The following QSOX2 variants were observed in gnomAD, a reference collection of about 807,000 sequenced individuals.
QSOX2 encodes quiescin sulfhydryl oxidase 2.
In QSOX2, 46 loss-of-function variants were observed where a neutral mutation model predicts 61.7. The observed-to-expected ratio is 0.75, with a 90% CI of 0.59 to 0.95. QSOX2 has a LOEUF of 0.95. QSOX2 is among the 40% of genes least tolerant of loss of function. The pLI, the probability that QSOX2 is intolerant of heterozygous loss-of-function variation, is 0.00. For missense variants in QSOX2, 879 were observed against 918.9 expected, an observed-to-expected ratio of 0.96 and a Z score of 0.56; for synonymous variants, 383 against 388.4, an observed-to-expected ratio of 0.99 and a Z score of 0.16.
intron 10 of QSOX2, among the ~76,000 whole-genome samples, 155 bp downstream of exon 10, chr9:136,214,999 G>A (rs1291771501): frequency 6.6e-6 from 1 of 152,252 alleles, no homozygotes; most frequent in African/African-American, 2.4e-5. Context: ...TGGGTGAGCT[G>A]ACCGTGTGAG....
intron 1 of QSOX2, among the ~76,000 whole-genome samples, chr9:136,228,264 T>C (rs1224654853): frequency 6.6e-6 from 1 of 152,196 alleles, no homozygotes; most frequent in Non-Finnish European, 1.5e-5. Context: ...GTGTCATCTC[T>C]CACCGTTTGC....
rs182367188 is a variant in QSOX2 at position 136,226,821 on chromosome 9, G to T, written c.382C>A (p.Gln128Lys). 828 of 1,614,230 alleles carry T rather than the reference G, an allele frequency of 5.1e-4. 15 individuals carry two copies. In the Admixed American group the frequency reaches 0.013, roughly 26 times the overall value. Residue 128 changes from glutamine (Q) to lysine (K), a missense_variant, in exon 2 of 12, where the codon CAG becomes AAG. Gln to Lys is a moderately conservative substitution (Grantham distance 53). Transcript: ENST00000358701. ...ATGTCGTAGTCATGGCACACGGCCT[G>T]GTTCTTCTCTTCCATGCAGTCCAGA... ...AALDCMEEKNQAVCHDYDIHF... is the reference protein window; with the variant it reads ...AALDCMEEKNKAVCHDYDIHF...
rs992859102 is a variant in QSOX2 at position 136,207,430 on chromosome 9, T to G, written c.*1298A>C. On this transcript the variant is annotated 3_prime_UTR_variant, in exon 12 of 12. Transcript: ENST00000358701. ...GCACACAAATACATCTGAGCCTATT[T>G]TAGCCAAATCAAATTTTGCCTGTGA... The G allele has an allele frequency of 4.6e-5, 7 of 151,864 alleles. No individual in the cohort carries two copies. The highest frequency in any genetic ancestry group is 1.7e-4 in the African/African-American group (7 of 41,288). The allele number at this position is 151,864 out of a possible 1,614,324, so 9.4% of individuals were successfully genotyped here.
At chr9:136,227,668 T>C (rs1830294202) in intron 1 of QSOX2, among the ~76,000 whole-genome samples, 1 of 152,218 alleles carries the variant, frequency 6.6e-6, no homozygotes, top group Non-Finnish European at 1.5e-5. Context: ...CCACCAGGCT[T>C]TGCCTCTGAA....
chr9:136,233,915 T>C (rs1428449474), intron 1 of QSOX2, among the ~76,000 whole-genome samples: 3 of 152,136 alleles, frequency 2.0e-5, no homozygotes, highest in Non-Finnish European at 4.4e-5. Context: ...AGAAACCGTT[T>C]AGAGAAATAA....
In QSOX2 at chr9:136,241,549, C is replaced by G. The variant is rs147028623; in HGVS notation, c.328+3927G>C. ...TCGGATGTGTCCAGCTCCCAACCCCCACCTGTCCTCTACAAAGACACAGGA... is the reference window on the plus strand; with the variant it reads ...TCGGATGTGTCCAGCTCCCAACCCCGACCTGTCCTCTACAAAGACACAGGA... On this transcript the variant is annotated intron_variant, in intron 1 of 11. Coordinates refer to ENST00000358701, the MANE Select transcript of QSOX2 (RefSeq NM_181701.4). Among the ~76,000 whole-genome samples the G allele has an allele frequency of 3.0e-3, 453 of 152,310 alleles. 5 individuals carry two copies. Among genetic ancestry groups the G allele is most frequent in the Middle Eastern group, 0.02 (6 of 294 alleles).
At chr9:136,220,593 G>A (rs1831968727) in intron 6 of QSOX2, among the ~76,000 whole-genome samples, 1 of 152,256 alleles carries the variant, frequency 6.6e-6, no homozygotes, top group Non-Finnish European at 1.5e-5. Flanking sequence ...GCCACCCAGT[G>A]TAGGGCAGGC....
chr9:136,216,846 C>T, intron 8 of QSOX2, 124 bp from the exon 9 acceptor site: 1 of 1,219,648 alleles, frequency 8.2e-7, no homozygotes, highest in Non-Finnish European at 1.1e-6. Flanking sequence ...TAGGATGGGG[C>T]CTCTCATAAC....
intron 1 of QSOX2, among the ~76,000 whole-genome samples, chr9:136,240,526 G>A (rs971208247): frequency 2.0e-5 from 3 of 152,176 alleles, no homozygotes; most frequent in South Asian, 4.1e-4. Flanking sequence ...CTCGAACTCC[G>A]CATACCAGTC....
At chr9:136,214,622 G>T (rs1831886887) in intron 10 of QSOX2, among the ~76,000 whole-genome samples, 1 of 152,196 alleles carries the variant, frequency 6.6e-6, no homozygotes, top group African/African-American at 2.4e-5. Context: ...CTCTCCCCAG[G>T]TGGGCCTTGG....
chr9:136,232,967 A>T (rs931395396), intron 1 of QSOX2, among the ~76,000 whole-genome samples: 1 of 150,356 alleles, frequency 6.7e-6, no homozygotes, highest in Non-Finnish European at 1.5e-5. Context: ...AAAATCATGG[A>T]GGAGAAAGGA....
chr9:136,240,966 G>A (rs576772574), intron 1 of QSOX2, among the ~76,000 whole-genome samples: 5 of 152,268 alleles, frequency 3.3e-5, no homozygotes, highest in South Asian at 2.1e-4. Flanking sequence ...CCCATGGCAC[G>A]ACGACCGGCA....
intron 1 of QSOX2, among the ~76,000 whole-genome samples, chr9:136,239,556 C>A (rs1412707764): frequency 6.6e-6 from 1 of 152,232 alleles, no homozygotes; most frequent in East Asian, 1.9e-4. Context: ...GAATTTCCAG[C>A]GCAAATTCAT....
At chr9:136,210,227 A>G (rs1179259965) in intron 11 of QSOX2, 1 of 985,272 alleles carries the variant, frequency 1.0e-6, no homozygotes, top group Non-Finnish European at 1.2e-6. Context: ...TGGGCAGAAG[A>G]CCCCAGGCAC....
chr9:136,241,562 C>T (rs1830433668), intron 1 of QSOX2, among the ~76,000 whole-genome samples: 1 of 152,212 alleles, frequency 6.6e-6, no homozygotes, highest in African/African-American at 2.4e-5. Flanking sequence ...CTGTCCTCTA[C>T]AAAGACACAG....
chr9:136,233,010 C>A (rs7032944), intron 1 of QSOX2, among the ~76,000 whole-genome samples: 15,272 of 151,178 alleles, frequency 0.1, 1,171 homozygotes, highest in African/African-American at 0.21. Context: ...TATGCAGGCG[C>A]AAGTGCCCTA....
intron 3 of QSOX2, 79 bp downstream of exon 3, chr9:136,224,782 C>T (rs1307043307): frequency 5.0e-6 from 5 of 991,524 alleles, no homozygotes; most frequent in Non-Finnish European, 7.5e-6. Flanking sequence ...TGGGAGCTCC[C>T]CAGGCTCTGG....
Position 136,243,715 on chromosome 9 carries a change from T to G in QSOX2, c.328+1761A>C, listed in dbSNP as rs369984446. On this transcript the variant is annotated intron_variant, in intron 1 of 11. Coordinates refer to ENST00000358701, the MANE Select transcript of QSOX2 (RefSeq NM_181701.4). The stretch of plus-strand genomic sequence containing the variant: ...TTTCAGTATTTTATAGTTTGGCTTT[T>G]TAGCCAACAGGACCCTCTGCCTGGG... Among the ~76,000 whole-genome samples the G allele has an allele frequency of 3.3e-4, 51 of 152,376 alleles. 1 individual carries two copies. The highest frequency in any genetic ancestry group is 1.2e-3 in the African/African-American group (50 of 41,594).
chr9:136,211,402 G>A lies in QSOX2; in HGVS notation c.1411C>T (p.His471Tyr). 1.2e-6 allele frequency: 2 copies of A among 1,614,206 alleles called. No individual in the cohort carries two copies. Among genetic ancestry groups the A allele is most frequent in the Non-Finnish European group, 1.7e-6 (2 of 1,180,042 alleles). ...CATTCCTTACACCCAAAGAAGGTGT[G>A]AACGTACCTCCTCATTGTCTGCAGC... is the stretch of plus-strand genomic sequence containing the variant. ...AVLQTMRRYV[H>Y]TFFGCKECGE... Residue 471 changes from histidine to tyrosine, a missense_variant, in exon 11 of 12, where the codon CAC (histidine) becomes TAC (tyrosine). Coordinates refer to ENST00000358701, the MANE Select transcript of QSOX2 (RefSeq NM_181701.4).
Sources: gnomAD v4.1 joint callset for allele counts (sites outside exome capture counted in the v4.1 genomes callset) on GRCh38, gnomAD v4.1.1 for gene constraint, MANE v1.5 for transcripts, NCBI Gene and HGNC (gene_info 2026-07-23, HGNC 2026-07-21) for gene names.